USP45: variants seen among roughly 807,000 people sequenced by gnomAD.
The protein encoded by USP45 is ubiquitin specific peptidase 45.
In USP45, 89 loss-of-function variants were observed where a neutral mutation model predicts 95.8. That is an observed-to-expected ratio of 0.93 (90% CI 0.78 to 1.11). USP45 has a LOEUF of 1.11. USP45 is among the 50% of genes least tolerant of loss of function. The pLI is 0.00. For synonymous variants in USP45, 281 were observed against 316.2 expected (o/e 0.89, Z 1.18); for missense variants, 898 against 942.5 (o/e 0.95, Z 0.62).
At chr6:99,454,846 TG>T (rs1360914673) in intron 13 of USP45, among the ~76,000 whole-genome samples, 2 of 152,148 alleles carry the variant, frequency 1.3e-5, no homozygotes, top group Non-Finnish European at 2.9e-5. Flanking sequence ...CTCAGCACTT[TG>T]GGAGGCCAAG....
chr6:99,511,470 CAA>C (rs1319854676), intron 1 of USP45, among the ~76,000 whole-genome samples: 1 of 151,858 alleles, frequency 6.6e-6, no homozygotes, highest in East Asian at 1.9e-4. Context: ...TTTTTTGAGA[CAA>C]AGTCTCACTC....
Position 99,446,105 on chromosome 6 carries a change from G to A in USP45, c.1667C>T (p.Ala556Val). The A allele has an allele frequency of 6.2e-7, 1 of 1,614,016 alleles. No homozygotes were observed. The highest frequency in any genetic ancestry group is 8.5e-7 in the Non-Finnish European group (1 of 1,180,038). ...CAAACGAAGTTCAGAAATAGCTTCT[G>A]CCATTTCCTTATCACCACTGTCAGT... is the stretch of plus-strand genomic sequence containing the variant. Reference protein sequence around the residue: ...KETDSGDKEMAEAISELRLSS... With the variant: ...KETDSGDKEMVEAISELRLSS... Residue 556 changes from alanine to valine, a missense_variant, in exon 14 of 18, where the codon GCA becomes GTA. Coordinates refer to ENST00000500704, the MANE Select transcript of USP45 (RefSeq NM_001346022.3).
At position 99,471,146 on chromosome 6, in the gene USP45, TGAA is replaced by T. The variant is rs1436377929; in HGVS notation, c.934-2531_934-2529del. 1.8e-4 allele frequency among the ~76,000 whole-genome samples: 27 copies of T among 152,334 alleles called. 1 individual carries two copies. Among genetic ancestry groups the T allele is most frequent in the African/African-American group, 6.5e-4 (27 of 41,590 alleles). ...TGCTTTTTAATTTTGATCCTAACCG[TGAA>T]TTTATATTCTCTACTCCAAACTGTT... is the stretch of plus-strand genomic sequence containing the variant. On this transcript the variant is annotated intron_variant, in intron 9 of 17. Transcript: ENST00000500704.
chr6:99,483,867 T>C (rs1166397989), intron 7 of USP45, among the ~76,000 whole-genome samples: 3 of 134,790 alleles, frequency 2.2e-5, no homozygotes, highest in African/African-American at 8.4e-5. Flanking sequence ...AAAAAAAGAA[T>C]GTTATCTTCC....
intron 9 of USP45, among the ~76,000 whole-genome samples, chr6:99,472,573 T>C (rs1014430458): frequency 3.9e-5 from 6 of 152,096 alleles, no homozygotes; most frequent in African/African-American, 1.4e-4. Flanking sequence ...AGTAAACGTA[T>C]TCCTGCAAAT....
intron 10 of USP45, chr6:99,468,129 G>A (rs746501279): frequency 2.2e-6 from 1 of 455,358 alleles, no homozygotes. Context: ...CGGTTTATTT[G>A]CAGGAGTCTT....
At chr6:99,441,250 G>A (rs958150624) in intron 15 of USP45, among the ~76,000 whole-genome samples, 27 of 151,990 alleles carry the variant, frequency 1.8e-4, no homozygotes, top group Non-Finnish European at 3.1e-4. Flanking sequence ...AACATTACTC[G>A]GCCGGGCACG....
chr6:99,457,599 A>G (rs1785393991), intron 13 of USP45, among the ~76,000 whole-genome samples: 1 of 152,208 alleles, frequency 6.6e-6, no homozygotes, highest in African/African-American at 2.4e-5. Flanking sequence ...TGGTCAATGG[A>G]AAATATAGAC....
intron 3 of USP45, 23 bp downstream of exon 3, chr6:99,508,587 C>T: frequency 6.2e-7 from 1 of 1,600,406 alleles, no homozygotes; most frequent in Non-Finnish European, 8.5e-7. Flanking sequence ...GACAAACTCA[C>T]ATATAAATAA....
chr6:99,476,336 C>T (rs978166451), intron 8 of USP45, 106 bp from the exon 9 acceptor site: 25 of 1,082,798 alleles, frequency 2.3e-5, no homozygotes, highest in Middle Eastern at 2.6e-4. Context: ...TAGCTGGGTG[C>T]GGCAGCCTAC....
At chr6:99,495,385 G>A (rs1796085304) in intron 5 of USP45, among the ~76,000 whole-genome samples, 2 of 152,180 alleles carry the variant, frequency 1.3e-5, no homozygotes, top group African/African-American at 2.4e-5. Context: ...ACCAAAAGTG[G>A]GGAACACTGG....
chr6:99,469,460 A>AAT (rs1364416608), intron 9 of USP45, among the ~76,000 whole-genome samples: 1 of 135,592 alleles, frequency 7.4e-6, no homozygotes, highest in Non-Finnish European at 1.5e-5. Context: ...ATATATAATT[A>AAT]ATATATATAT....
intron 5 of USP45, among the ~76,000 whole-genome samples, chr6:99,497,853 AC>A (rs1243624369): frequency 2.6e-5 from 4 of 152,106 alleles, no homozygotes; most frequent in Non-Finnish European, 5.9e-5. Context: ...ACTTGCCTGA[AC>A]CTATCGAGCT....
At position 99,507,510 on chromosome 6, in the gene USP45, T is replaced by C; in HGVS notation, c.295A>G (p.Ser99Gly). 6.2e-7 allele frequency: 1 copy of C among 1,611,982 alleles called. No individual in the cohort carries two copies. Among genetic ancestry groups the C allele is most frequent in the East Asian group, 2.2e-5 (1 of 44,826 alleles). Reference sequence around the variant, plus strand: ...TTAAAGTGCTTCAATGAATGTTGGCTTTCTGAGTTTTTACCACATCCCTGA... The same window carrying C: ...TTAAAGTGCTTCAATGAATGTTGGCCTTCTGAGTTTTTACCACATCCCTGA... The part of the protein sequence containing the change: ...GFQGCGKNSE[S>G]QHSLKHFKSS... Residue 99 changes from serine (S) to glycine (G), a missense_variant, in exon 4 of 18, where the codon AGC becomes GGC. By Grantham distance (56) the Ser-to-Gly change is moderately conservative. Transcript: ENST00000500704.
chr6:99,435,104 ATG>A lies in USP45; in HGVS notation c.*610_*611del, dbSNP rs1780257024. On this transcript the variant is annotated 3_prime_UTR_variant, in exon 18 of 18. Transcript: ENST00000500704. ...GTATTAGGTGTTACTTCATGAAATT[ATG>A]TGTTATAGCAGTTTCCTAAATGGTA... The A allele has an allele frequency of 6.6e-6, 1 of 152,604 alleles. No homozygotes were observed. The highest frequency in any genetic ancestry group is 6.5e-5 in the Admixed American group (1 of 15,270). 9.5% of individuals were successfully genotyped at this position (152,604 alleles called of 1,614,324 possible). A position where few individuals can be genotyped will look rare whatever the true frequency, so the allele number is the denominator to read the frequency against.
chr6:99,478,722 A>G (rs1016949970), intron 8 of USP45, among the ~76,000 whole-genome samples: 2 of 152,216 alleles, frequency 1.3e-5, no homozygotes, highest in Non-Finnish European at 2.9e-5. Context: ...ACATGGAAGC[A>G]GCTGAAAGCC....
At chr6:99,505,250 A>G (rs1170099370) in intron 4 of USP45, among the ~76,000 whole-genome samples, 1 of 152,204 alleles carries the variant, frequency 6.6e-6, no homozygotes, top group East Asian at 1.9e-4. Context: ...AAGTTTACTC[A>G]TTAATACATC....
intron 8 of USP45, 149 bp downstream of exon 8, chr6:99,482,604 A>G: frequency 3.1e-6 from 2 of 644,636 alleles, no homozygotes; most frequent in Non-Finnish European, 4.8e-6. Context: ...TAATTTTCAT[A>G]AAGCATAGAG....
intron 13 of USP45, chr6:99,462,364 G>A (rs1786676686): frequency 8.1e-6 from 8 of 984,282 alleles, no homozygotes; most frequent in Non-Finnish European, 9.6e-6. Context: ...CATACATTTG[G>A]ATAGCGGATG....
Sources: allele counts gnomAD v4.1 joint callset (sites outside exome capture counted in the v4.1 genomes callset), GRCh38; gene constraint gnomAD v4.1.1; transcripts MANE v1.5; gene names NCBI Gene and HGNC (gene_info 2026-07-23, HGNC 2026-07-21).